Variants in KDM2A observed in about 807,000 individuals in gnomAD.
KDM2A encodes the protein lysine demethylase 2A.
In KDM2A, 3 loss-of-function variants were observed where a neutral mutation model predicts 137.3. That is an observed-to-expected ratio of 0.02 (90% CI 0.01 to 0.06). The LOEUF (loss-of-function observed/expected upper bound fraction) is 0.06. Among genes scored for constraint, KDM2A ranks in the 10% least tolerant of loss-of-function variants. KDM2A has a pLI of 1.00. For synonymous variants in KDM2A, 512 were observed against 541.5 expected, an observed-to-expected ratio of 0.95 and a Z score of 0.76; for missense variants, 738 against 1,510.6, an observed-to-expected ratio of 0.49 and a Z score of 8.48.
At chr11:67,240,697 G>C (rs1410987995) in intron 12 of KDM2A, among the ~76,000 whole-genome samples, 1 of 152,082 alleles carries the variant, frequency 6.6e-6, no homozygotes, top group Non-Finnish European at 1.5e-5. Flanking sequence ...AGCCTTTCCC[G>C]CACTCCACCC....
At chr11:67,231,467 CATTT>C in intron 11 of KDM2A, 95 bp from the exon 12 acceptor site, 1 of 1,095,918 alleles carries the variant, frequency 9.1e-7, no homozygotes, top group East Asian at 2.6e-5. Flanking sequence ...GTAATTTTGT[CATTT>C]ATAGCCTCAA....
chr11:67,244,341 C>T (rs563724548), intron 13 of KDM2A, among the ~76,000 whole-genome samples: 52 of 152,308 alleles, frequency 3.4e-4, no homozygotes, highest in Non-Finnish European at 5.7e-4. Flanking sequence ...GAAGTGTCTG[C>T]TATCTACCAG....
At chr11:67,252,338 A>T in intron 17 of KDM2A, 1 of 295,712 alleles carries the variant, frequency 3.4e-6, no homozygotes, top group South Asian at 3.1e-5. Context: ...AGGCTCCCTT[A>T]TATACACTTC....
intron 5 of KDM2A, among the ~76,000 whole-genome samples, chr11:67,187,771 G>T (rs1175289465): frequency 6.6e-6 from 1 of 152,004 alleles, no homozygotes; most frequent in Non-Finnish European, 1.5e-5. Flanking sequence ...ACGGGGTTTT[G>T]CCATGTTGGC....
At chr11:67,184,359 G>A (rs772620721) in intron 5 of KDM2A, among the ~76,000 whole-genome samples, 12 of 152,150 alleles carry the variant, frequency 7.9e-5, no homozygotes, top group African/African-American at 4.8e-5. Flanking sequence ...GCCGGGTGCG[G>A]TGGTTGACGC....
At chr11:67,248,423 GGGGGA>G in intron 16 of KDM2A, 53 bp downstream of exon 16, 1 of 1,248,018 alleles carries the variant, frequency 8.0e-7, no homozygotes, top group Non-Finnish European at 1.2e-6. Context: ...CATCAAATGT[GGGGGA>G]TTGCTACACG....
At chr11:67,159,974 C>T (rs1856599755) in intron 2 of KDM2A, among the ~76,000 whole-genome samples, 1 of 152,162 alleles carries the variant, frequency 6.6e-6, no homozygotes, top group Non-Finnish European at 1.5e-5. Flanking sequence ...ATATTTAATG[C>T]TGCTGAACTA....
Position 67,245,805 on chromosome 11 carries a change from C to G in KDM2A, c.1834-180C>G. 1.4e-6 allele frequency: 1 copy of G among 700,522 alleles called. No homozygotes were observed. The highest frequency in any genetic ancestry group is 2.3e-6 in the Non-Finnish European group (1 of 431,742). 43.4% of individuals were successfully genotyped at this position (700,522 alleles called of 1,614,324 possible). On this transcript the variant is annotated intron_variant, in intron 14 of 20. Coordinates refer to ENST00000529006, the MANE Select transcript of KDM2A (RefSeq NM_012308.3). The surrounding 1 kb of genome is among the most constrained non-coding windows in gnomAD (Gnocchi z 4.1). ...GTCTCTGGTGCCCAGGTGGTTGAGT[C>G]CTCCTCTTCCCCAGTCATTTTTCCT...
chr11:67,221,292 G>A (rs1858340176), intron 10 of KDM2A, among the ~76,000 whole-genome samples: 1 of 152,188 alleles, frequency 6.6e-6, no homozygotes, highest in South Asian at 2.1e-4. Flanking sequence ...ATGGAGATGA[G>A]CAGATGTGGA....
At chr11:67,138,150 G>A (rs1034874500) in intron 2 of KDM2A, among the ~76,000 whole-genome samples, 3 of 152,208 alleles carry the variant, frequency 2.0e-5, no homozygotes, top group South Asian at 4.1e-4. Context: ...TGAGTGAAAT[G>A]CCGTTAAGTG....
intron 2 of KDM2A, among the ~76,000 whole-genome samples, chr11:67,176,328 C>A (rs1181127003): frequency 3.3e-5 from 5 of 152,130 alleles, no homozygotes; most frequent in Non-Finnish European, 7.3e-5. Flanking sequence ...CATTTTCTTA[C>A]GTGTTTATGT....
chr11:67,195,330 C>T (rs922511192), intron 5 of KDM2A, among the ~76,000 whole-genome samples: 5 of 127,362 alleles, frequency 3.9e-5, no homozygotes, highest in Non-Finnish European at 7.8e-5. Flanking sequence ...GATCGCACCA[C>T]TGCACTCCAG....
chr11:67,207,050 A>G (rs1354011544), intron 5 of KDM2A, among the ~76,000 whole-genome samples: 1 of 152,218 alleles, frequency 6.6e-6, no homozygotes, highest in African/African-American at 2.4e-5. Flanking sequence ...TCTGTTACCC[A>G]CTAAATTATG....
chr11:67,197,174 AC>A (rs1289252950), intron 5 of KDM2A: 1 of 65,688 alleles, frequency 1.5e-5, no homozygotes, highest in Non-Finnish European at 2.9e-5. Flanking sequence ...TCAGAAATAA[AC>A]TTTTTTTTTT....
intron 13 of KDM2A, 84 bp downstream of exon 13, chr11:67,243,176 C>G: frequency 1.0e-6 from 1 of 985,944 alleles, no homozygotes. Context: ...ACAAGAACAA[C>G]TAGAGGCAGA....
intron 5 of KDM2A, among the ~76,000 whole-genome samples, chr11:67,189,887 A>G (rs1205535470): frequency 6.6e-6 from 1 of 152,134 alleles, no homozygotes; most frequent in African/African-American, 2.4e-5. Flanking sequence ...AGAAACTTAA[A>G]ATCAACAACC....
chr11:67,192,297 T>C (rs184663158), intron 5 of KDM2A, among the ~76,000 whole-genome samples: 25 of 152,318 alleles, frequency 1.6e-4, no homozygotes, highest in Non-Finnish European at 3.1e-4. Context: ...AATGGCATCA[T>C]AGTGTACAAA....
At chr11:67,126,796 G>T (rs1048889226) in intron 2 of KDM2A, among the ~76,000 whole-genome samples, 1 of 151,984 alleles carries the variant, frequency 6.6e-6, no homozygotes, top group Non-Finnish European at 1.5e-5. Context: ...AAGATGGTGT[G>T]TATGTGTAGA....
intron 10 of KDM2A, among the ~76,000 whole-genome samples, chr11:67,220,971 T>A (rs1858327129): frequency 6.6e-6 from 1 of 151,818 alleles, no homozygotes; most frequent in Non-Finnish European, 1.5e-5. Context: ...GATGCCACCC[T>A]TGAACCTTGT....
Sources: allele counts gnomAD v4.1 joint callset (sites outside exome capture counted in the v4.1 genomes callset), GRCh38; gene constraint gnomAD v4.1.1; non-coding constraint Gnocchi (gnomAD v3.1); transcripts MANE v1.5; gene names NCBI Gene and HGNC (gene_info 2026-07-23, HGNC 2026-07-21).